Variants in ZNF385D observed in about 807,000 individuals in gnomAD.
ZNF385D encodes the protein zinc finger protein 659.
A neutral mutation model predicts 35.8 loss-of-function variants in ZNF385D; 15 were observed. That is an observed-to-expected ratio of 0.42 (90% CI 0.28 to 0.64). ZNF385D has a LOEUF of 0.64. Among genes scored for constraint, ZNF385D ranks in the 30% least tolerant of loss-of-function variants. The pLI is 0.23. For missense variants in ZNF385D, 474 were observed against 494.6 expected, an observed-to-expected ratio of 0.96 and a Z score of 0.39; for synonymous variants, 212 against 186.8, an observed-to-expected ratio of 1.13 and a Z score of -1.10.
intron 3 of ZNF385D, among the ~76,000 whole-genome samples, chr3:21,879,329 T>G (rs558974541): frequency 1.1e-4 from 17 of 152,102 alleles, no homozygotes; most frequent in African/African-American, 4.1e-4. Flanking sequence ...AGAGGACACA[T>G]GGGATCCGTT....
intron 3 of ZNF385D, among the ~76,000 whole-genome samples, chr3:22,113,625 G>A (rs561873830): frequency 2.0e-5 from 3 of 152,178 alleles, no homozygotes; most frequent in East Asian, 3.9e-4. Flanking sequence ...CACAGCAACC[G>A]GGAAACCACA....
chr3:21,509,068 G>A (rs1186152833), intron 4 of ZNF385D, among the ~76,000 whole-genome samples: 1 of 151,166 alleles, frequency 6.6e-6, no homozygotes, highest in East Asian at 1.9e-4. Context: ...AGCTCCGGGG[G>A]GCTTTTCTTA....
At chr3:22,306,506 G>A (rs1043392892) in intron 2 of ZNF385D, among the ~76,000 whole-genome samples, 2 of 151,970 alleles carry the variant, frequency 1.3e-5, no homozygotes, top group Non-Finnish European at 2.9e-5. Context: ...AAAGAACTAT[G>A]GCTCCATTAA....
intron 4 of ZNF385D, among the ~76,000 whole-genome samples, chr3:21,462,270 A>C (rs1294326065): frequency 6.6e-6 from 1 of 152,106 alleles, no homozygotes; most frequent in Non-Finnish European, 1.5e-5. Context: ...TTCTCAGGCT[A>C]TATTTTTGTG....
intron 3 of ZNF385D, among the ~76,000 whole-genome samples, chr3:22,056,411 T>C (rs1355469833): frequency 6.6e-6 from 1 of 151,194 alleles, no homozygotes; most frequent in East Asian, 1.9e-4. Context: ...GCAAAGATGA[T>C]AAGCTAAAAT....
rs538153822 is a variant in ZNF385D at position 22,213,197 on chromosome 3, T to A, written c.107-44162A>T. Reference sequence around the variant, plus strand: ...ATAATGTCATAGTTTGGCTTAGAAATATAAGGGGGATTTGACAAATGCTTT... The same window carrying A: ...ATAATGTCATAGTTTGGCTTAGAAAAATAAGGGGGATTTGACAAATGCTTT... On this transcript the variant is annotated intron_variant, in intron 2 of 5. Coordinates refer to the ZNF385D transcript ENST00000494108. Among the ~76,000 whole-genome samples, 216 of 152,170 alleles carry A rather than the reference T, an allele frequency of 1.4e-3. 3 individuals carry two copies. Among genetic ancestry groups the A allele is most frequent in the Non-Finnish European group, 3.1e-4 (21 of 67,972 alleles).
At chr3:21,951,791 A>T (rs950555970) in intron 3 of ZNF385D, among the ~76,000 whole-genome samples, 1 of 151,584 alleles carries the variant, frequency 6.6e-6, no homozygotes, top group East Asian at 1.9e-4. Context: ...TTTCTAAATT[A>T]TTGGCTTAAA....
intron 3 of ZNF385D, among the ~76,000 whole-genome samples, chr3:22,033,206 A>C (rs370049301): frequency 2.2e-4 from 33 of 152,082 alleles, no homozygotes; most frequent in African/African-American, 8.0e-4. Context: ...ATTCGAGACC[A>C]AACGGGACAA....
chr3:21,742,988 CTT>C (rs1036931892), intron 1 of ZNF385D, among the ~76,000 whole-genome samples: 1 of 152,198 alleles, frequency 6.6e-6, no homozygotes, highest in African/African-American at 2.4e-5. Context: ...GTGCTAGGCA[CTT>C]TTATGTGTAT....
chr3:21,837,652 T>C (rs1321939572), intron 3 of ZNF385D, among the ~76,000 whole-genome samples: 2 of 152,064 alleles, frequency 1.3e-5, no homozygotes, highest in Non-Finnish European at 2.9e-5. Flanking sequence ...GGCAGGCAGA[T>C]CACGAGGTTA....
At position 21,421,200 on chromosome 3, in the gene ZNF385D, C is replaced by G. The variant is rs776198619; in HGVS notation, c.*14G>C. 1 of 1,606,544 alleles carries G rather than the reference C, an allele frequency of 6.2e-7. No individual in the cohort carries two copies. Among genetic ancestry groups the G allele is most frequent in the South Asian group, 1.1e-5 (1 of 90,900 alleles). ...TTGAAAAATTATTGCAGTACAATTA[C>G]TCCTATTTGGAATTTAGTAAGGAGC... On this transcript the variant is annotated 3_prime_UTR_variant, in exon 8 of 8. Coordinates refer to ENST00000281523, the MANE Select transcript of ZNF385D (RefSeq NM_024697.3).
At chr3:22,184,731 G>A (rs1199458600) in intron 2 of ZNF385D, among the ~76,000 whole-genome samples, 1 of 152,136 alleles carries the variant, frequency 6.6e-6, no homozygotes, top group East Asian at 1.9e-4. Context: ...GGAGGCTGAG[G>A]TAGGAAAATC....
chr3:21,589,732 A>G (rs2063914249), intron 2 of ZNF385D, among the ~76,000 whole-genome samples: 1 of 152,302 alleles, frequency 6.6e-6, no homozygotes, highest in East Asian at 1.9e-4. Context: ...ACCAATAAAC[A>G]TAAAATTCTT....
chr3:21,946,727 G>A (rs1701805677), intron 3 of ZNF385D, among the ~76,000 whole-genome samples: 1 of 152,166 alleles, frequency 6.6e-6, no homozygotes, highest in African/African-American at 2.4e-5. Context: ...AGCTACTAGG[G>A]AGGCTGAAGC....
rs371277524 is a variant in ZNF385D at position 21,624,155 on chromosome 3, C to T, written c.165+40731G>A. Among the ~76,000 whole-genome samples, 148 of 152,094 alleles carry T rather than the reference C, an allele frequency of 9.7e-4. 2 individuals are homozygous for T. Among genetic ancestry groups the T allele is most frequent in the South Asian group, 6.4e-3 (31 of 4,808 alleles). ...CATCATTTAATTTATGGAAACCAAC[C>T]GCACTATTTTAAGAAATGCCTCTAT... On this transcript the variant is annotated intron_variant, in intron 2 of 7. Coordinates refer to ENST00000281523, the MANE Select transcript of ZNF385D (RefSeq NM_024697.3).
chr3:21,649,977 C>A (rs2065864546), intron 2 of ZNF385D, among the ~76,000 whole-genome samples: 1 of 151,318 alleles, frequency 6.6e-6, no homozygotes, highest in South Asian at 2.1e-4. Flanking sequence ...CTAACACATG[C>A]AAGGAAGAAA....
intron 3 of ZNF385D, among the ~76,000 whole-genome samples, chr3:22,111,240 G>A (rs957295913): frequency 7.7e-6 from 1 of 129,516 alleles, no homozygotes; most frequent in African/African-American, 2.9e-5. Flanking sequence ...TCTATAAACT[G>A]CTATATTTAC....
chr3:21,431,797 A>G (rs971747263), intron 5 of ZNF385D, among the ~76,000 whole-genome samples: 1 of 152,164 alleles, frequency 6.6e-6, no homozygotes, highest in African/African-American at 2.4e-5. Flanking sequence ...GTGGCAAACA[A>G]TCTTTGGGCC....
intron 3 of ZNF385D, among the ~76,000 whole-genome samples, chr3:21,885,887 C>T (rs918595710): frequency 6.6e-6 from 1 of 151,854 alleles, no homozygotes; most frequent in South Asian, 2.1e-4. Context: ...ATAATTCCTC[C>T]TAGCTCAGTG....
Sources: allele counts gnomAD v4.1 joint callset (sites outside exome capture counted in the v4.1 genomes callset), GRCh38; gene constraint gnomAD v4.1.1; transcripts MANE v1.5; gene names NCBI Gene and HGNC (gene_info 2026-07-23, HGNC 2026-07-21).